Variants in MYO16 observed in about 807,000 individuals in gnomAD.
MYO16 encodes the protein unconventional myosin-XVI.
A neutral mutation model predicts 205.3 loss-of-function variants in MYO16; 94 were observed. That is an observed-to-expected ratio of 0.46 (90% CI 0.39 to 0.54). The LOEUF (loss-of-function observed/expected upper bound fraction) is 0.54, where lower values mean the gene tolerates loss of function less well. MYO16 is among the 20% of genes least tolerant of loss of function. MYO16 has a pLI of 0.00. For synonymous variants in MYO16, 988 were observed against 954.0 expected (o/e 1.04, Z -0.66); for missense variants, 2,315 against 2,387.5 (o/e 0.97, Z 0.63).
chr13:108,869,732 A>T (rs867667940), intron 12 of MYO16, among the ~76,000 whole-genome samples: 97 of 17,116 alleles, frequency 5.7e-3, no homozygotes, highest in African/African-American at 0.014. Flanking sequence ...CTCCGTTTCT[A>T]AAAAAAAAAA....
chr13:108,534,343 G>T, the MYO16 span, among the ~76,000 whole-genome samples: 1 of 152,028 alleles, frequency 6.6e-6, no homozygotes, highest in Non-Finnish European at 1.5e-5. Flanking sequence ...AAAGCTTCTA[G>T]GGAAAGCTGT....
chr13:108,821,998 A>G (rs1435884061), intron 8 of MYO16, among the ~76,000 whole-genome samples: 2 of 152,186 alleles, frequency 1.3e-5, no homozygotes, highest in East Asian at 3.8e-4. Flanking sequence ...GGTTTCAACT[A>G]AAGCAGATAT....
At chr13:108,727,950 T>C (rs1884396790) in intron 4 of MYO16, among the ~76,000 whole-genome samples, 1 of 151,742 alleles carries the variant, frequency 6.6e-6, no homozygotes, top group Non-Finnish European at 1.5e-5. Flanking sequence ...ATATTGAATC[T>C]TTTTTTTTCT....
At chr13:108,506,607 A>G in the MYO16 span, among the ~76,000 whole-genome samples, 12 of 152,108 alleles carry the variant, frequency 7.9e-5, no homozygotes, top group African/African-American at 2.4e-4. Context: ...AGAATTTTCT[A>G]CATACAGAAT....
At chr13:109,168,279 T>C (rs1227983547) in intron 33 of MYO16, among the ~76,000 whole-genome samples, 1 of 152,088 alleles carries the variant, frequency 6.6e-6, no homozygotes, top group Non-Finnish European at 1.5e-5. Flanking sequence ...TGAAAAATGA[T>C]TAGCAGAATA....
intron 2 of MYO16, among the ~76,000 whole-genome samples, chr13:108,671,876 A>C (rs985021792): frequency 6.6e-6 from 1 of 152,114 alleles, no homozygotes; most frequent in Admixed American, 6.5e-5. Context: ...AAACTCATCG[A>C]ACCTAATTCC....
chr13:108,800,387 C>G (rs1038800629), intron 6 of MYO16, among the ~76,000 whole-genome samples: 2 of 152,144 alleles, frequency 1.3e-5, no homozygotes, highest in Admixed American at 1.3e-4. Context: ...AAAGTGGACT[C>G]CTAACACACT....
chr13:108,971,305 T>C (rs1202221661), intron 20 of MYO16, among the ~76,000 whole-genome samples: 3 of 151,104 alleles, frequency 2.0e-5, no homozygotes, highest in Non-Finnish European at 1.5e-5. Flanking sequence ...AACCTATCAT[T>C]TATTTCAACA....
chr13:108,910,020 T>G lies in MYO16; in HGVS notation c.1795T>G (p.Leu599Val). ...CCAACCAGCCAGAATTTATACATAT[T>G]TGCTAGAGAAATCCAGACTTGTTTC... ...QLTGARIYTY[L>V]LEKSRLVSQP... Residue 599 changes from leucine (L) to valine (V), a missense_variant, in exon 16 of 35, where the codon TTG becomes GTG. Leu to Val is a conservative substitution (Grantham distance 32). This residue lies in a region of MYO16 where 1,213 missense variants were observed against 1,274.4 expected (regional missense o/e 0.95). Transcript: ENST00000457511. The G allele has an allele frequency of 1.1e-5, 17 of 1,613,068 alleles. No individual in the cohort carries two copies. Among genetic ancestry groups the G allele is most frequent in the Non-Finnish European group, 1.4e-5 (17 of 1,179,510 alleles).
Position 108,785,825 on chromosome 13 carries a change from C to A in MYO16, c.616+82C>A, listed in dbSNP as rs1299642283. The A allele has an allele frequency of 8.6e-6, 8 of 925,702 alleles. No individual in the cohort carries two copies. In the African/African-American group the frequency reaches 1.3e-4, roughly 15 times the overall value. 57.3% of individuals were successfully genotyped at this position (925,702 alleles called of 1,614,324 possible). On this transcript the variant is annotated intron_variant, in intron 5 of 34. Transcript: ENST00000457511. ...GTATTCATTTTCACAGGTTTGCTTA[C>A]ATGATTTCCGATGGATGTAGTTTCC...
At chr13:108,752,631 CT>C (rs201506663) in intron 4 of MYO16, among the ~76,000 whole-genome samples, 255 of 146,014 alleles carry the variant, frequency 1.7e-3, no homozygotes, top group African/African-American at 4.7e-3. Flanking sequence ...ATGGCCTTTA[CT>C]TTTTTTTTTC....
intron 7 of MYO16, among the ~76,000 whole-genome samples, chr13:108,807,429 T>G (rs1244348216): frequency 1.3e-5 from 2 of 152,222 alleles, no homozygotes; most frequent in African/African-American, 2.4e-5. Context: ...GAACATTGTT[T>G]GTTTTGACAG....
intron 16 of MYO16, among the ~76,000 whole-genome samples, chr13:108,922,681 G>A (rs1422905366): frequency 2.0e-5 from 3 of 152,154 alleles, no homozygotes; most frequent in Non-Finnish European, 2.9e-5. Flanking sequence ...AGTTATGGGT[G>A]GTTTTGGAGT....
At chr13:108,712,591 C>A in intron 2 of MYO16, 70 bp from the exon 3 acceptor site, 1 of 1,334,940 alleles carries the variant, frequency 7.5e-7, no homozygotes. Flanking sequence ...TTAACGAAAG[C>A]CTACACATTT....
intron 1 of MYO16, among the ~76,000 whole-genome samples, chr13:108,614,013 T>C (rs1376262323): frequency 1.3e-5 from 2 of 152,050 alleles, no homozygotes; most frequent in African/African-American, 4.8e-5. Context: ...ATAAAAGTAA[T>C]TCAGATTAAA....
At chr13:108,528,123 T>A in the MYO16 span, among the ~76,000 whole-genome samples, 9 of 152,332 alleles carry the variant, frequency 5.9e-5, no homozygotes, top group South Asian at 1.9e-3. Context: ...CAGAAAATAG[T>A]GACAGGCATC....
At chr13:108,579,769 T>C in the MYO16 span, among the ~76,000 whole-genome samples, 9 of 152,142 alleles carry the variant, frequency 5.9e-5, no homozygotes, top group African/African-American at 2.2e-4. Flanking sequence ...TTTTTTGTTT[T>C]GTTTTGTTTT....
intron 1 of MYO16, among the ~76,000 whole-genome samples, chr13:108,620,642 T>C (rs1275401078): frequency 1.3e-5 from 2 of 152,140 alleles, no homozygotes; most frequent in Non-Finnish European, 2.9e-5. Context: ...GAAGCAGAGA[T>C]AGGGATGGAG....
At chr13:109,200,497 C>T (rs889516844) in intron 34 of MYO16, among the ~76,000 whole-genome samples, 1 of 152,154 alleles carries the variant, frequency 6.6e-6, no homozygotes, top group Non-Finnish European at 1.5e-5. Context: ...GTCCTGTACT[C>T]ACTACATTAT....
Sources: allele counts gnomAD v4.1 joint callset (sites outside exome capture counted in the v4.1 genomes callset), GRCh38; gene constraint gnomAD v4.1.1; regional missense constraint gnomAD v4.1.1; transcripts MANE v1.5; gene names NCBI Gene and HGNC (gene_info 2026-07-23, HGNC 2026-07-21).